SRRM4: variants seen among roughly 807,000 people sequenced by gnomAD.
SRRM4 encodes serine/arginine repetitive matrix protein 4.
In SRRM4, 33 loss-of-function variants were observed where a neutral mutation model predicts 68.9. That is an observed-to-expected ratio of 0.48 (90% confidence interval 0.36 to 0.64). SRRM4 has a LOEUF of 0.64. Ranked by LOEUF, SRRM4 falls within the 30% of genes least tolerant of loss-of-function variation. The pLI is 0.00. For synonymous variants in SRRM4, 318 were observed against 318.8 expected, an observed-to-expected ratio of 1.00 and a Z score of 0.03; for missense variants, 817 against 827.1, an observed-to-expected ratio of 0.99 and a Z score of 0.15.
chr12:119,072,155 T>C (rs1353116068), intron 1 of SRRM4, among the ~76,000 whole-genome samples: 2 of 152,228 alleles, frequency 1.3e-5, no homozygotes, highest in African/African-American at 2.4e-5. Context: ...GCAGATACAA[T>C]AGTAAGAATT....
At chr12:119,141,052 C>T (rs781730599) in intron 8 of SRRM4, among the ~76,000 whole-genome samples, 7 of 152,186 alleles carry the variant, frequency 4.6e-5, no homozygotes, top group Non-Finnish European at 1.0e-4. Flanking sequence ...AGAAACTCTC[C>T]CACCTCAGCC....
At chr12:119,094,930 T>C (rs1954034393) in intron 1 of SRRM4, among the ~76,000 whole-genome samples, 1 of 152,222 alleles carries the variant, frequency 6.6e-6, no homozygotes, top group South Asian at 2.1e-4. Context: ...ATGAGAGAAA[T>C]GACAGCCTCA....
chr12:119,106,352 A>C (rs894518761), intron 2 of SRRM4, among the ~76,000 whole-genome samples: 2 of 152,120 alleles, frequency 1.3e-5, no homozygotes, highest in Non-Finnish European at 1.5e-5. Flanking sequence ...GGAAAAAGTC[A>C]TTGGTAGCTT....
chr12:119,049,152 C>A (rs1190329169), intron 1 of SRRM4, among the ~76,000 whole-genome samples: 1 of 152,114 alleles, frequency 6.6e-6, no homozygotes, highest in Admixed American at 6.6e-5. Context: ...AAAAATGACA[C>A]GTGGTAAGGG....
intron 1 of SRRM4, among the ~76,000 whole-genome samples, chr12:119,078,048 G>A (rs927449431): frequency 6.6e-6 from 1 of 152,092 alleles, no homozygotes; most frequent in East Asian, 1.9e-4. Flanking sequence ...CACTGGGTCT[G>A]CCTGTGGGTG....
intron 1 of SRRM4, among the ~76,000 whole-genome samples, chr12:119,036,188 T>C (rs1022294823): frequency 2.6e-5 from 4 of 152,148 alleles, no homozygotes; most frequent in African/African-American, 7.2e-5. Flanking sequence ...TTCAGCAGTG[T>C]CCCACGTCTT....
intron 1 of SRRM4, among the ~76,000 whole-genome samples, chr12:119,100,207 T>C (rs1252818661): frequency 6.6e-6 from 1 of 151,526 alleles, no homozygotes; most frequent in African/African-American, 2.4e-5. Context: ...TTATTACCAT[T>C]CAGCTGAAAA....
chr12:119,111,552 A>C (rs73213744), intron 2 of SRRM4, among the ~76,000 whole-genome samples: 5,993 of 152,300 alleles, frequency 0.039, 134 homozygotes, highest in African/African-American at 0.056. Context: ...CACACTCTAA[A>C]AGATTTTTTT....
chr12:118,992,239 A>G (rs1263049962), intron 1 of SRRM4: 1 of 152,174 alleles, frequency 6.6e-6, no homozygotes, highest in Admixed American at 6.5e-5. Context: ...TGTTTGCCCA[A>G]CGTCAGGGCT....
At chr12:119,089,852 A>C (rs2136036153) in intron 1 of SRRM4, among the ~76,000 whole-genome samples, 1 of 152,334 alleles carries the variant, frequency 6.6e-6, no homozygotes. Flanking sequence ...ACATATATTG[A>C]ACATTTATTA....
At chr12:119,020,789 G>A (rs1953511333) in intron 1 of SRRM4, among the ~76,000 whole-genome samples, 1 of 152,224 alleles carries the variant, frequency 6.6e-6, no homozygotes, top group Non-Finnish European at 1.5e-5. Flanking sequence ...TCACAGAAAG[G>A]AAAGAGCTGG....
intron 1 of SRRM4, among the ~76,000 whole-genome samples, chr12:119,047,276 C>T (rs1406447109): frequency 2.0e-5 from 3 of 152,054 alleles, no homozygotes; most frequent in African/African-American, 7.2e-5. Flanking sequence ...TGTAACAAAC[C>T]ACATCCAAGC....
At chr12:119,134,595 C>T (rs182084966) in intron 8 of SRRM4, among the ~76,000 whole-genome samples, 37 of 152,154 alleles carry the variant, frequency 2.4e-4, no homozygotes, top group Admixed American at 1.2e-3. Context: ...CATTACCTCA[C>T]CCAACCCCAG....
At chr12:118,988,387 G>A (rs79570002) in intron 1 of SRRM4, among the ~76,000 whole-genome samples, 1,773 of 152,270 alleles carry the variant, frequency 0.012, 56 homozygotes, top group African/African-American at 0.04. Flanking sequence ...AATAGTCAAC[G>A]CTAGTGGAGG....
intron 3 of SRRM4, among the ~76,000 whole-genome samples, chr12:119,114,956 G>A (rs1411072498): frequency 6.6e-6 from 1 of 151,760 alleles, no homozygotes; most frequent in Non-Finnish European, 1.5e-5. Context: ...GAACCACCGC[G>A]CCTGGCCGGA....
chr12:119,016,156 C>T (rs1953479698), intron 1 of SRRM4, among the ~76,000 whole-genome samples: 1 of 152,132 alleles, frequency 6.6e-6, no homozygotes, highest in African/African-American at 2.4e-5. Context: ...GCCAGAGCCA[C>T]CAGAAGCTGG....
At position 119,116,927 on chromosome 12, in the gene SRRM4, G is replaced by T. The variant is rs1954183818; in HGVS notation, c.366-10G>T. 4 of 1,613,246 alleles carry T rather than the reference G, an allele frequency of 2.5e-6. No individual in the cohort carries two copies. The highest frequency in any genetic ancestry group is 3.4e-6 in the Non-Finnish European group (4 of 1,179,614). On this transcript the variant is annotated splice_polypyrimidine_tract_variant and intron_variant, in intron 3 of 12. Coordinates refer to ENST00000267260, the MANE Select transcript of SRRM4 (RefSeq NM_194286.4). ...CCTCCTTCTGAAATGTGTCTTCTTG[G>T]CCCTGGCAGGTCCTCATCCTATAGC...
chr12:119,060,141 C>T (rs935052862), intron 1 of SRRM4, among the ~76,000 whole-genome samples: 3 of 152,026 alleles, frequency 2.0e-5, no homozygotes, highest in Middle Eastern at 3.4e-3. Flanking sequence ...GAGGCTCTTT[C>T]GGCTTTGATA....
At chr12:118,991,992 C>T (rs1407075215) in intron 1 of SRRM4, among the ~76,000 whole-genome samples, 1 of 152,182 alleles carries the variant, frequency 6.6e-6, no homozygotes, top group Non-Finnish European at 1.5e-5. Flanking sequence ...GGTTTGATAA[C>T]GTGCTTAACA....
Sources: gnomAD v4.1 joint callset for allele counts (sites outside exome capture counted in the v4.1 genomes callset) on GRCh38, gnomAD v4.1.1 for gene constraint, MANE v1.5 for transcripts, NCBI Gene and HGNC (gene_info 2026-07-23, HGNC 2026-07-21) for gene names.